Variants in BLK observed in about 807,000 individuals in gnomAD.
BLK encodes tyrosine-protein kinase Blk.
A neutral mutation model predicts 61.8 loss-of-function variants in BLK; 64 were observed. The observed-to-expected ratio is 1.03, with a 90% CI of 0.85 to 1.27. The LOEUF is 1.27. Among genes scored for constraint, BLK ranks in the 50% most tolerant of loss-of-function variants. The pLI is 0.00. For synonymous variants in BLK, 351 were observed against 272.0 expected (o/e 1.29, Z -2.86); for missense variants, 853 against 660.5 (o/e 1.29, Z -3.19).
chr8:11,550,692 G>A (rs186108364), intron 6 of BLK, among the ~76,000 whole-genome samples: 34 of 152,378 alleles, frequency 2.2e-4, no homozygotes, highest in East Asian at 5.8e-4. Context: ...GGCCTGTGCC[G>A]TGATGTAAGA....
chr8:11,533,441 G>T (rs1020875507), intron 1 of BLK, among the ~76,000 whole-genome samples: 1 of 152,116 alleles, frequency 6.6e-6, no homozygotes, highest in African/African-American at 2.4e-5. Flanking sequence ...GATGTCCAGG[G>T]CCTTTTAAGA....
Position 11,561,470 on chromosome 8 carries a change from C to G in BLK, c.1180+18C>G. The G allele has an allele frequency of 6.2e-7, 1 of 1,612,824 alleles. No homozygotes were observed. Among genetic ancestry groups the G allele is most frequent in the Non-Finnish European group, 8.5e-7 (1 of 1,179,478 alleles). ...CCAAGAGGGTAAGCACAGCCCCTAA[C>G]CACAAGGGAAACCTAGGGCCTTATC... is the stretch of plus-strand genomic sequence containing the variant. On this transcript the variant is annotated intron_variant, in intron 11 of 12. Transcript: ENST00000259089.
chr8:11,530,014 CATA>C (rs1563444656), intron 1 of BLK, among the ~76,000 whole-genome samples: 2 of 152,166 alleles, frequency 1.3e-5, no homozygotes, highest in Non-Finnish European at 2.9e-5. Flanking sequence ...TGTTTTGAAA[CATA>C]ATTTTTCTCT....
intron 1 of BLK, among the ~76,000 whole-genome samples, chr8:11,502,853 G>C (rs977665844): frequency 4.6e-5 from 7 of 152,172 alleles, no homozygotes; most frequent in Non-Finnish European, 1.0e-4. Flanking sequence ...ACCCTGCTTT[G>C]TGCTCGGTGG....
intron 8 of BLK, 52 bp downstream of exon 8, chr8:11,555,536 C>A (rs992229071): frequency 3.1e-6 from 5 of 1,611,936 alleles, no homozygotes; most frequent in Non-Finnish European, 4.2e-6. Flanking sequence ...ACCTGCGCCG[C>A]ATCCTGAGTC....
intron 1 of BLK, among the ~76,000 whole-genome samples, chr8:11,521,641 C>G (rs535864911): frequency 9.9e-5 from 15 of 152,194 alleles, no homozygotes; most frequent in Non-Finnish European, 2.2e-4. Flanking sequence ...AATGGTTGAG[C>G]AGTAAGGCCA....
chr8:11,544,832 A>G (rs1025717576), intron 2 of BLK, among the ~76,000 whole-genome samples: 5 of 152,174 alleles, frequency 3.3e-5, no homozygotes, highest in African/African-American at 1.2e-4. Flanking sequence ...TAAGAAAAGA[A>G]TATTTGTAAC....
At chr8:11,511,025 A>G (rs1798983035) in intron 1 of BLK, among the ~76,000 whole-genome samples, 1 of 152,210 alleles carries the variant, frequency 6.6e-6, no homozygotes, top group Non-Finnish European at 1.5e-5. Flanking sequence ...CTGACACACA[A>G]ATATTTGTGG....
At chr8:11,541,254 T>G (rs1235811860) in intron 1 of BLK, among the ~76,000 whole-genome samples, 5 of 152,074 alleles carry the variant, frequency 3.3e-5, no homozygotes, top group Non-Finnish European at 7.4e-5. Context: ...GGCAACAGAG[T>G]GAGACACTGT....
intron 6 of BLK, among the ~76,000 whole-genome samples, chr8:11,552,286 C>G (rs1395508071): frequency 6.6e-6 from 1 of 152,180 alleles, no homozygotes; most frequent in Non-Finnish European, 1.5e-5. Flanking sequence ...AGGGGCAGGA[C>G]CAGGTTGGGG....
intron 1 of BLK, among the ~76,000 whole-genome samples, chr8:11,504,155 C>T (rs1008712766): frequency 2.6e-5 from 4 of 152,072 alleles, no homozygotes; most frequent in Admixed American, 1.3e-4. Context: ...GAAACTGTCT[C>T]TACTCAAAAT....
chr8:11,529,419 C>A (rs141159222), intron 1 of BLK, among the ~76,000 whole-genome samples: 9 of 151,914 alleles, frequency 5.9e-5, no homozygotes, highest in Non-Finnish European at 1.2e-4. Context: ...TGTCTTCCTG[C>A]GCTGAGTCAA....
chr8:11,543,503 C>G (rs765793020), intron 2 of BLK, among the ~76,000 whole-genome samples, 156 bp downstream of exon 2: 1 of 152,178 alleles, frequency 6.6e-6, no homozygotes, highest in Non-Finnish European at 1.5e-5. Flanking sequence ...ATAACACGCA[C>G]AGGACCCGGC....
chr8:11,556,565 G>A (rs1002887545), intron 8 of BLK, 93 bp from the exon 9 acceptor site: 7 of 1,462,762 alleles, frequency 4.8e-6, no homozygotes, highest in East Asian at 2.3e-5. Flanking sequence ...GGAATGGGGT[G>A]GCACCTGGGC....
At chr8:11,549,581 G>A (rs1585399223) in intron 5 of BLK, among the ~76,000 whole-genome samples, 2 of 152,198 alleles carry the variant, frequency 1.3e-5, no homozygotes, top group Admixed American at 6.5e-5. Context: ...ATGGCACTGG[G>A]AATTTCGGAC....
chr8:11,555,560 T>G, intron 8 of BLK, 76 bp downstream of exon 8: 3 of 1,599,142 alleles, frequency 1.9e-6, no homozygotes, highest in South Asian at 1.1e-5. Flanking sequence ...GTTCAGCATT[T>G]TCATAGCGTG....
chr8:11,558,750 G>A (rs112507312), intron 10 of BLK: 5 of 456,124 alleles, frequency 1.1e-5, no homozygotes, highest in African/African-American at 6.0e-5. Context: ...TGGTGGCCCT[G>A]TTAAAACTGG....
intron 8 of BLK, chr8:11,555,853 G>A (rs1718534285): frequency 2.8e-6 from 1 of 362,542 alleles, no homozygotes; most frequent in South Asian, 2.2e-5. Context: ...GAGCCATGAT[G>A]TTCCAGAGCC....
intron 6 of BLK, among the ~76,000 whole-genome samples, chr8:11,550,546 G>A (rs951792013): frequency 1.3e-5 from 2 of 152,256 alleles, no homozygotes; most frequent in African/African-American, 4.8e-5. Flanking sequence ...GGAACACCGA[G>A]GCCAGTGGGG....
Sources: gnomAD v4.1 joint callset for allele counts (sites outside exome capture counted in the v4.1 genomes callset) on GRCh38, gnomAD v4.1.1 for gene constraint, MANE v1.5 for transcripts, NCBI Gene and HGNC (gene_info 2026-07-23, HGNC 2026-07-21) for gene names.